ZNF253: variants seen among roughly 807,000 people sequenced by gnomAD.
The protein encoded by ZNF253 is zinc finger protein 253.
ZNF253 carries 8 observed loss-of-function variants against 11.9 expected under a neutral mutation model. The ratio of observed to expected loss-of-function variants is 0.67; its 90% CI spans 0.40 to 1.22. The LOEUF (loss-of-function observed/expected upper bound fraction) is 1.22, where lower values mean the gene tolerates loss of function less well. ZNF253 is among the 50% of genes most tolerant of loss of function. The pLI, the probability that ZNF253 is intolerant of heterozygous loss-of-function variation, is 0.01. For synonymous variants in ZNF253, 194 were observed against 194.9 expected (o/e 1.00, Z 0.04); for missense variants, 485 against 586.9 (o/e 0.83, Z 1.79).
chr19:19,875,806 G>T (rs2063153206), intron 1 of ZNF253, among the ~76,000 whole-genome samples: 2 of 151,926 alleles, frequency 1.3e-5, no homozygotes, highest in African/African-American at 4.8e-5. Flanking sequence ...AAAAATGCTG[G>T]GCCCTTTATC....
chr19:19,869,289 T>C (rs2063122957), intron 1 of ZNF253, among the ~76,000 whole-genome samples: 1 of 152,222 alleles, frequency 6.6e-6, no homozygotes, highest in Non-Finnish European at 1.5e-5. Context: ...TGTAGTTGTA[T>C]CTTGCTTTCT....
At chr19:19,889,326 CAATTT>C (rs1340027436) in intron 3 of ZNF253, among the ~76,000 whole-genome samples, 1 of 151,524 alleles carries the variant, frequency 6.6e-6, no homozygotes, top group Non-Finnish European at 1.5e-5. Context: ...GAATATCATT[CAATTT>C]CTTTTATGTA....
In ZNF253 at chr19:19,894,185, T is replaced by A. The variant is rs1238771283; in HGVS notation, c.*1438T>A. On this transcript the variant is annotated 3_prime_UTR_variant, in exon 4 of 4. Coordinates refer to ENST00000589717, the MANE Select transcript of ZNF253 (RefSeq NM_021047.3). ...TGTTAGATAAATTATTTCTATATAA[T>A]TTTTTAAAAAGTGGATTTTTGAAGC... is the stretch of plus-strand genomic sequence containing the variant. 1 of 152,236 alleles carries A rather than the reference T, an allele frequency of 6.6e-6. No individual in the cohort carries two copies. The highest frequency in any genetic ancestry group is 1.5e-5 in the Non-Finnish European group (1 of 68,032). The allele number at this position is 152,236 out of a possible 1,614,324, so 9.4% of individuals were successfully genotyped here. A position where few individuals can be genotyped will look rare whatever the true frequency, so the allele number is the denominator to read the frequency against.
chr19:19,878,608 G>T lies in ZNF253; in HGVS notation c.130+1G>T, dbSNP rs1377685083. On this transcript the variant is annotated splice_donor_variant, in intron 2 of 3. Coordinates refer to ENST00000589717, the MANE Select transcript of ZNF253 (RefSeq NM_021047.3). LOFTEE classifies it high-confidence loss of function. ...AACTACAGAAACTTGGTCTTCCTTGGTGAGGACAACTTGAATATATAATTC... is the reference window on the plus strand; with the variant it reads ...AACTACAGAAACTTGGTCTTCCTTGTTGAGGACAACTTGAATATATAATTC... The T allele has an allele frequency of 6.2e-7, 1 of 1,611,050 alleles. No homozygotes were observed. Among genetic ancestry groups the T allele is most frequent in the East Asian group, 2.2e-5 (1 of 44,826 alleles).
chr19:19,880,260 G>A (rs1044996909), intron 3 of ZNF253, 114 bp downstream of exon 3: 1 of 638,086 alleles, frequency 1.6e-6, no homozygotes, highest in Non-Finnish European at 2.5e-6. Context: ...AAGGAAATAG[G>A]TCCTGGGCAG....
At chr19:19,869,049 A>G (rs1271768825) in intron 1 of ZNF253, among the ~76,000 whole-genome samples, 1 of 152,008 alleles carries the variant, frequency 6.6e-6, no homozygotes, top group African/African-American at 2.4e-5. Flanking sequence ...TATTTTTTTC[A>G]TTTTTAGTCC....
chr19:19,880,521 A>G (rs1464252065), intron 3 of ZNF253, among the ~76,000 whole-genome samples: 1 of 152,018 alleles, frequency 6.6e-6, no homozygotes, highest in African/African-American at 2.4e-5. Flanking sequence ...CCTGACCAAC[A>G]TGGTGAAACT....
At chr19:19,870,949 A>G (rs928991557) in intron 1 of ZNF253, 1 of 152,174 alleles carries the variant, frequency 6.6e-6, no homozygotes, top group South Asian at 2.1e-4. Context: ...TCATTTGATC[A>G]ATCTGATATC....
chr19:19,865,830 G>A, upstream of ZNF253: 1 of 891,990 alleles, frequency 1.1e-6, no homozygotes, highest in East Asian at 2.5e-5. Context: ...CAGCTGGAGC[G>A]AACCACATGG....
At chr19:19,874,754 A>C (rs2063147771) in intron 1 of ZNF253, among the ~76,000 whole-genome samples, 2 of 151,986 alleles carry the variant, frequency 1.3e-5, no homozygotes, top group South Asian at 4.1e-4. Flanking sequence ...TACTAAAAAT[A>C]CAAAAAAATT....
chr19:19,866,022 C>G (rs202109785), intron 1 of ZNF253, 23 bp downstream of exon 1: 211 of 1,613,996 alleles, frequency 1.3e-4, no homozygotes, highest in Non-Finnish European at 1.7e-4. Context: ...TCCAACGTCC[C>G]GAGAGAGGGG....
intron 1 of ZNF253, among the ~76,000 whole-genome samples, chr19:19,869,686 TTA>T (rs796745155): frequency 0.14 from 14,756 of 106,058 alleles, 1,372 homozygotes; most frequent in East Asian, 0.38. Context: ...TTTTTTTTTT[TTA>T]AAAAACAGTC....
intron 3 of ZNF253, among the ~76,000 whole-genome samples, chr19:19,885,313 T>TA (rs2063199584): frequency 1.5e-5 from 1 of 68,622 alleles, no homozygotes; most frequent in Non-Finnish European, 2.3e-5. Flanking sequence ...TTTCTTTCTT[T>TA]CTTTCTTTCT....
intron 1 of ZNF253, among the ~76,000 whole-genome samples, chr19:19,878,178 A>G (rs1264892232): frequency 2.6e-5 from 4 of 152,084 alleles, no homozygotes; most frequent in African/African-American, 9.7e-5. Flanking sequence ...AATATTCACA[A>G]CTCATTCCAT....
chr19:19,881,274 T>C (rs1207552061), intron 3 of ZNF253, among the ~76,000 whole-genome samples: 1 of 152,128 alleles, frequency 6.6e-6, no homozygotes, highest in African/African-American at 2.4e-5. Context: ...GTAAATAAGA[T>C]TTTTTTCTCT....
Position 19,885,253 on chromosome 19 carries a change from TTC to T in ZNF253, c.226+5109_226+5110del, listed in dbSNP as rs762095629. On this transcript the variant is annotated intron_variant, in intron 3 of 3. Transcript: ENST00000589717. ...TTTCTTTCTTTCTTTCTTTCTTTCT[TTC>T]TTTCTTTCTTTCTTTCTTTCTTTCT... 4.9e-4 allele frequency among the ~76,000 whole-genome samples: 33 copies of T among 67,354 alleles called. 2 individuals are homozygous for T. Among genetic ancestry groups the T allele is most frequent in the Admixed American group, 2.0e-3 (13 of 6,484 alleles). 44.2% of individuals were successfully genotyped at this position (67,354 alleles called of 152,430 possible).
chr19:19,870,230 T>TA lies in ZNF253; in HGVS notation c.3+4236dup, dbSNP rs2063128423. On this transcript the variant is annotated intron_variant, in intron 1 of 3. Transcript: ENST00000589717. ...TGACATGGTGTAACCCCATCTCTACTAAAAATAAAAAATTAGCTGGGTGTG... is the reference window on the plus strand; with the variant it reads ...TGACATGGTGTAACCCCATCTCTACTAAAAAATAAAAAATTAGCTGGGTGTG... 7.9e-5 allele frequency among the ~76,000 whole-genome samples: 12 copies of TA among 151,844 alleles called. No homozygotes were observed. The South Asian group carries it at 2.5e-3, about 32-fold the overall frequency.
chr19:19,869,058 C>T (rs897089513), intron 1 of ZNF253, among the ~76,000 whole-genome samples: 1 of 151,686 alleles, frequency 6.6e-6, no homozygotes, highest in Non-Finnish European at 1.5e-5. Flanking sequence ...CATTTTTAGT[C>T]CTTTAAATTA....
Position 19,880,193 on chromosome 19 carries a change from T to A in ZNF253, c.226+47T>A, listed in dbSNP as rs773208997. ...TACAACAGATGACACAGATAAAAGG[T>A]CCCAATGTCAAAGAGAAAACCAGTC... On this transcript the variant is annotated intron_variant, in intron 3 of 3. Transcript: ENST00000589717. 3.5e-6 allele frequency: 5 copies of A among 1,408,952 alleles called. No individual in the cohort carries two copies. The African/African-American group carries it at 7.4e-5, about 21-fold the overall frequency. 87.3% of individuals were successfully genotyped at this position (1,408,952 alleles called of 1,614,324 possible). A position where few individuals can be genotyped will look rare whatever the true frequency, so the allele number is the denominator to read the frequency against.
Sources: allele counts gnomAD v4.1 joint callset (sites outside exome capture counted in the v4.1 genomes callset), GRCh38; gene constraint gnomAD v4.1.1; transcripts MANE v1.5; gene names NCBI Gene and HGNC (gene_info 2026-07-23, HGNC 2026-07-21).